ACAD11: variants seen among roughly 807,000 people sequenced by gnomAD.
ACAD11 encodes acyl-Coenzyme A dehydrogenase family, member 11.
In ACAD11, 83 loss-of-function variants were observed where a neutral mutation model predicts 102.2. The ratio of observed to expected loss-of-function variants is 0.81; its 90% CI spans 0.68 to 0.97. The LOEUF (loss-of-function observed/expected upper bound fraction) is 0.97, where lower values mean the gene tolerates loss of function less well. ACAD11 is among the 50% of genes least tolerant of loss of function. The pLI, the probability that ACAD11 is intolerant of heterozygous loss-of-function variation, is 0.00. For synonymous variants in ACAD11, 324 were observed against 319.8 expected, an observed-to-expected ratio of 1.01 and a Z score of -0.14; for missense variants, 901 against 951.7, an observed-to-expected ratio of 0.95 and a Z score of 0.70.
Position 132,641,608 on chromosome 3 carries a change from G to A in ACAD11, c.537+364C>T, listed in dbSNP as rs550205782. Among the ~76,000 whole-genome samples, 63 of 135,904 alleles carry A rather than the reference G, an allele frequency of 4.6e-4. 2 individuals carry two copies. Among genetic ancestry groups the A allele is most frequent in the African/African-American group, 1.7e-3 (61 of 35,862 alleles). The allele number at this position is 135,904 out of a possible 152,430, so 89.2% of individuals were successfully genotyped here. A position where few individuals can be genotyped will look rare whatever the true frequency, so the allele number is the denominator to read the frequency against. On this transcript the variant is annotated intron_variant, in intron 4 of 19. Transcript: ENST00000264990. ...AAGAAGAAGAAGAAGAAGAAGAGGA[G>A]GAAGAAGAGGAGGAAGAAGAGGAGG...
intron 13 of ACAD11, among the ~76,000 whole-genome samples, chr3:132,591,749 AG>A (rs1269234642): frequency 6.6e-6 from 1 of 152,056 alleles, no homozygotes; most frequent in Non-Finnish European, 1.5e-5. Context: ...AAATTCACCA[AG>A]CACGGTGCAG....
At position 132,633,285 on chromosome 3, in the gene ACAD11, G is replaced by C. The variant is rs150812006; in HGVS notation, c.703-1806C>G. ...TTTATTGAGAGTTTTTAGCATGAAG[G>C]GTTGTTGAATTTTGTCTAAAGCCTT... On this transcript the variant is annotated intron_variant, in intron 5 of 19. Coordinates refer to ENST00000264990, the MANE Select transcript of ACAD11 (RefSeq NM_032169.5). Among the ~76,000 whole-genome samples the C allele has an allele frequency of 7.9e-3, 1,209 of 152,140 alleles. 16 individuals carry two copies. Among genetic ancestry groups the C allele is most frequent in the African/African-American group, 0.026 (1,061 of 41,518 alleles).
intron 9 of ACAD11, among the ~76,000 whole-genome samples, chr3:132,625,287 A>T (rs941103332): frequency 6.6e-6 from 1 of 152,112 alleles, no homozygotes; most frequent in Non-Finnish European, 1.5e-5. Flanking sequence ...TCTAATTTCC[A>T]TTCTCTTTTC....
chr3:132,604,924 T>C (rs1938772655), intron 12 of ACAD11, 174 bp downstream of exon 12: 2 of 491,772 alleles, frequency 4.1e-6, no homozygotes, highest in Non-Finnish European at 7.4e-6. Flanking sequence ...CATATTTTTC[T>C]GAACATTTGA....
intron 11 of ACAD11, among the ~76,000 whole-genome samples, chr3:132,612,561 T>C (rs1382361806): frequency 6.6e-6 from 1 of 151,766 alleles, no homozygotes; most frequent in South Asian, 2.1e-4. Flanking sequence ...AACAAGTGGG[T>C]GAACGATATG....
At chr3:132,589,335 C>T (rs1449004748) in intron 13 of ACAD11, among the ~76,000 whole-genome samples, 1 of 152,156 alleles carries the variant, frequency 6.6e-6, no homozygotes, top group Non-Finnish European at 1.5e-5. Context: ...CAATACTTAC[C>T]TTTCATTGTG....
chr3:132,568,901 T>C (rs1433825333), intron 17 of ACAD11, among the ~76,000 whole-genome samples: 1 of 151,640 alleles, frequency 6.6e-6, no homozygotes, highest in African/African-American at 2.4e-5. Flanking sequence ...GTGAAACTTT[T>C]AGTGACACAT....
At chr3:132,577,089 A>T (rs1365314364) in intron 15 of ACAD11, 74 bp from the exon 16 acceptor site, 1 of 869,424 alleles carries the variant, frequency 1.2e-6, no homozygotes, top group Non-Finnish European at 1.9e-6. Context: ...AATCTGCTGA[A>T]ATATAATTAC....
intron 1 of ACAD11, chr3:132,654,296 C>G (rs1937665269): frequency 6.6e-6 from 1 of 152,184 alleles, no homozygotes; most frequent in Non-Finnish European, 1.5e-5. Context: ...TGCACTTACA[C>G]AAACCTAGAT....
intron 5 of ACAD11, 84 bp downstream of exon 5, chr3:132,639,408 C>T: frequency 1.4e-6 from 2 of 1,381,756 alleles, no homozygotes; most frequent in Non-Finnish European, 2.0e-6. Flanking sequence ...GTTGGGCTCC[C>T]TCAGTGCTCT....
intron 15 of ACAD11, 25 bp downstream of exon 15, chr3:132,578,771 A>C: frequency 1.2e-6 from 2 of 1,609,304 alleles, no homozygotes; most frequent in Non-Finnish European, 1.7e-6. Context: ...TTGCTAATGC[A>C]TGGTCATATT....
chr3:132,591,662 G>A (rs1245294548), intron 13 of ACAD11, among the ~76,000 whole-genome samples: 2 of 152,156 alleles, frequency 1.3e-5, no homozygotes, highest in Non-Finnish European at 2.9e-5. Flanking sequence ...GGCTGAAGTG[G>A]CAGGATCGCT....
At chr3:132,600,509 GAATTTGC>G in intron 13 of ACAD11, 16 of 1,613,872 alleles carry the variant, frequency 9.9e-6, no homozygotes, top group Non-Finnish European at 1.4e-5. Context: ...AGATGTCAGA[GAATTTGC>G]AAAAGTTTTC....
At chr3:132,577,696 C>T (rs1937542503) in intron 15 of ACAD11, among the ~76,000 whole-genome samples, 1 of 152,152 alleles carries the variant, frequency 6.6e-6, no homozygotes, top group African/African-American at 2.4e-5. Context: ...ACTCTACACC[C>T]TTTTCCTGTC....
At chr3:132,590,170 G>T (rs1938018023) in intron 13 of ACAD11, among the ~76,000 whole-genome samples, 1 of 152,216 alleles carries the variant, frequency 6.6e-6, no homozygotes, top group Admixed American at 6.5e-5. Context: ...ACATGCATAT[G>T]TCTTTATGGT....
chr3:132,599,809 G>T (rs558226770), intron 13 of ACAD11, among the ~76,000 whole-genome samples: 1 of 152,094 alleles, frequency 6.6e-6, no homozygotes, highest in South Asian at 2.1e-4. Flanking sequence ...GTTGGCTAAA[G>T]GAGATCTTGT....
intron 13 of ACAD11, among the ~76,000 whole-genome samples, chr3:132,587,768 A>C (rs550660069): frequency 6.6e-6 from 1 of 152,336 alleles, no homozygotes; most frequent in Non-Finnish European, 1.5e-5. Flanking sequence ...TAGGTAGAGT[A>C]AAACTGCAGA....
intron 17 of ACAD11, among the ~76,000 whole-genome samples, chr3:132,575,098 C>T (rs1374045127): frequency 2.0e-5 from 3 of 152,096 alleles, no homozygotes; most frequent in Non-Finnish European, 4.4e-5. Flanking sequence ...CCACCCGCCT[C>T]GGTCTCCCAA....
intron 1 of ACAD11, 130 bp downstream of exon 1, chr3:132,659,473 T>A: frequency 7.5e-7 from 1 of 1,330,154 alleles, no homozygotes; most frequent in East Asian, 2.5e-5. Context: ...CTCATGCCTG[T>A]AGGGTGCGTC....
Sources: allele counts gnomAD v4.1 joint callset (sites outside exome capture counted in the v4.1 genomes callset), GRCh38; gene constraint gnomAD v4.1.1; transcripts MANE v1.5; gene names NCBI Gene and HGNC (gene_info 2026-07-23, HGNC 2026-07-21).